Variants in CNOT8 observed in about 807,000 individuals in gnomAD.
The protein encoded by CNOT8 is CAF1-like protein.
In CNOT8, 18 loss-of-function variants were observed where a neutral mutation model predicts 34.6. The observed-to-expected ratio is 0.52, with a 90% CI of 0.36 to 0.77. The LOEUF (loss-of-function observed/expected upper bound fraction) is 0.77, where lower values mean the gene tolerates loss of function less well. Among genes scored for constraint, CNOT8 ranks in the 30% least tolerant of loss-of-function variants. The pLI, the probability that CNOT8 is intolerant of heterozygous loss-of-function variation, is 0.00. For synonymous variants in CNOT8, 101 were observed against 118.8 expected, an observed-to-expected ratio of 0.85 and a Z score of 0.98; for missense variants, 189 against 347.9, an observed-to-expected ratio of 0.54 and a Z score of 3.63.
chr5:154,874,339 G>A (rs1004634318), intron 6 of CNOT8, among the ~76,000 whole-genome samples: 2 of 152,032 alleles, frequency 1.3e-5, no homozygotes, highest in African/African-American at 2.4e-5. Flanking sequence ...CACTTTGGGA[G>A]GCCGAGGCAA....
chr5:154,874,312 C>G (rs549054370), intron 6 of CNOT8, among the ~76,000 whole-genome samples: 78 of 152,110 alleles, frequency 5.1e-4, no homozygotes, highest in African/African-American at 1.7e-3. Context: ...TGCGGTGGCT[C>G]ACACCTGTAA....
At chr5:154,868,659 T>G (rs1762160769) in intron 3 of CNOT8, among the ~76,000 whole-genome samples, 1 of 152,234 alleles carries the variant, frequency 6.6e-6, no homozygotes, top group Non-Finnish European at 1.5e-5. Context: ...CAGGCACTTC[T>G]TTCTCCCACT....
At position 154,863,231 on chromosome 5, in the gene CNOT8, G is replaced by A; in HGVS notation, c.-48G>A. ...GATCAGACCAAACATTGTCTGGCTT[G>A]CACTGTAAAACTAGTTAGCTGAAGA... On this transcript the variant is annotated 5_prime_UTR_variant, in exon 2 of 7. Transcript: ENST00000285896. 1 of 1,272,638 alleles carries A rather than the reference G, an allele frequency of 7.9e-7. No homozygotes were observed. Among genetic ancestry groups the A allele is most frequent in the East Asian group, 2.3e-5 (1 of 43,212 alleles). The allele number at this position is 1,272,638 out of a possible 1,614,324, so 78.8% of individuals were successfully genotyped here. A position where few individuals can be genotyped will look rare whatever the true frequency, so the allele number is the denominator to read the frequency against.
chr5:154,871,904 C>G, intron 5 of CNOT8, 30 bp downstream of exon 5: 2 of 1,585,680 alleles, frequency 1.3e-6, no homozygotes, highest in Non-Finnish European at 1.7e-6. Flanking sequence ...ATACCAGTAA[C>G]AAAAAGAAGG....
In CNOT8 at chr5:154,865,412, A is replaced by G; in HGVS notation, c.311+27A>G. The G allele has an allele frequency of 2.0e-6, 3 of 1,537,416 alleles. No individual in the cohort carries two copies. In the South Asian group the frequency reaches 3.7e-5, roughly 19 times the overall value. On this transcript the variant is annotated intron_variant, in intron 3 of 6. Coordinates refer to ENST00000285896, the MANE Select transcript of CNOT8 (RefSeq NM_001301073.2). Reference sequence around the variant, plus strand: ...TAAGTGATTTCTAAATAAATGCGTTAATTTTAAGTTTTGTTTTCACTGAAT... The same window carrying G: ...TAAGTGATTTCTAAATAAATGCGTTGATTTTAAGTTTTGTTTTCACTGAAT...
At chr5:154,872,211 A>G (rs1373838568) in intron 5 of CNOT8, among the ~76,000 whole-genome samples, 1 of 152,194 alleles carries the variant, frequency 6.6e-6, no homozygotes, top group Non-Finnish European at 1.5e-5. Context: ...AAGTTTTAGA[A>G]CTTGGTACCG....
At chr5:154,858,433 A>G (rs1195168607), upstream of CNOT8, 1 of 152,190 alleles carries the variant, frequency 6.6e-6, no homozygotes, top group Non-Finnish European at 1.5e-5. Context: ...TCACAGGCAG[A>G]GCGAACACGC....
chr5:154,873,584 T>C (rs879475945), intron 6 of CNOT8, among the ~76,000 whole-genome samples: 4 of 152,218 alleles, frequency 2.6e-5, no homozygotes, highest in Non-Finnish European at 4.4e-5. Context: ...TTTTAAAATA[T>C]ATTCAAAGAT....
intron 6 of CNOT8, among the ~76,000 whole-genome samples, chr5:154,873,689 A>G (rs1205405317): frequency 6.6e-6 from 1 of 152,176 alleles, no homozygotes; most frequent in Non-Finnish European, 1.5e-5. Context: ...GTAGACATGG[A>G]TCTCCTTTTT....
rs912863993 is a variant in CNOT8, at chr5:154,858,759, G to A, written c.-82G>A. ...CGCCAGCCAGCGCTTCGCGGGCCCTGTCGGTCCCGGTAAGCGGGCCTGCGC... is the reference window on the plus strand; with the variant it reads ...CGCCAGCCAGCGCTTCGCGGGCCCTATCGGTCCCGGTAAGCGGGCCTGCGC... On this transcript the variant is annotated 5_prime_UTR_variant, in exon 1 of 7. Coordinates refer to ENST00000285896, the MANE Select transcript of CNOT8 (RefSeq NM_001301073.2). 4.6e-5 allele frequency: 7 copies of A among 152,062 alleles called. No homozygotes were observed. Among genetic ancestry groups the A allele is most frequent in the Non-Finnish European group, 1.0e-4 (7 of 68,066 alleles). 9.4% of individuals were successfully genotyped at this position (152,062 alleles called of 1,614,324 possible).
intron 3 of CNOT8, among the ~76,000 whole-genome samples, chr5:154,865,642 GA>G (rs1201534926): frequency 6.6e-6 from 1 of 152,170 alleles, no homozygotes; most frequent in Admixed American, 6.5e-5. Context: ...CATTAGTCAT[GA>G]GGGAAATGCA....
At chr5:154,869,773 C>G (rs545141922) in intron 3 of CNOT8, among the ~76,000 whole-genome samples, 1 of 151,604 alleles carries the variant, frequency 6.6e-6, no homozygotes, top group African/African-American at 2.4e-5. Flanking sequence ...TACAGGCGTG[C>G]GCCACCACGC....
chr5:154,871,648 C>A, intron 4 of CNOT8, 82 bp from the exon 5 acceptor site: 8 of 1,214,830 alleles, frequency 6.6e-6, no homozygotes, highest in Non-Finnish European at 7.9e-6. Flanking sequence ...GTAGCATTTA[C>A]AAGCTTTGAG....
At chr5:154,860,837 G>C (rs977824008) in intron 1 of CNOT8, among the ~76,000 whole-genome samples, 1 of 152,066 alleles carries the variant, frequency 6.6e-6, no homozygotes, top group African/African-American at 2.4e-5. Context: ...CCATATATAT[G>C]CCAGATATGT....
chr5:154,872,415 C>A, intron 5 of CNOT8, 126 bp from the exon 6 acceptor site: 1 of 551,720 alleles, frequency 1.8e-6, no homozygotes. Flanking sequence ...GTTACTAAGG[C>A]CTGTTAAATA....
chr5:154,871,714 G>T lies in CNOT8; in HGVS notation c.474-16G>T. 1 of 1,613,278 alleles carries T rather than the reference G, an allele frequency of 6.2e-7. No homozygotes were observed. Among genetic ancestry groups the T allele is most frequent in the Non-Finnish European group, 8.5e-7 (1 of 1,179,644 alleles). ...AACCACTGCTTTTTTAACCTCTGTG[G>T]TTTATTCTCTTGTAGTGGCTATGAT... On this transcript the variant is annotated splice_polypyrimidine_tract_variant and intron_variant, in intron 4 of 6. Coordinates refer to ENST00000285896, the MANE Select transcript of CNOT8 (RefSeq NM_001301073.2).
intron 3 of CNOT8, among the ~76,000 whole-genome samples, chr5:154,868,212 C>T (rs1418295790): frequency 6.6e-6 from 1 of 151,348 alleles, no homozygotes; most frequent in Non-Finnish European, 1.5e-5. Flanking sequence ...GCTGGGATTA[C>T]AGGCATGAGC....
intron 3 of CNOT8, chr5:154,867,579 A>C: frequency 6.0e-6 from 1 of 168,018 alleles, no homozygotes; most frequent in Non-Finnish European, 1.3e-5. Flanking sequence ...GTGGGTTACA[A>C]ATAACTATTT....
chr5:154,868,734 C>G (rs1181952078), intron 3 of CNOT8, among the ~76,000 whole-genome samples: 2 of 152,216 alleles, frequency 1.3e-5, no homozygotes, highest in Non-Finnish European at 2.9e-5. Flanking sequence ...GGCCAAGAGG[C>G]TATCCAAGCC....
Sources: allele counts gnomAD v4.1 joint callset (sites outside exome capture counted in the v4.1 genomes callset), GRCh38; gene constraint gnomAD v4.1.1; transcripts MANE v1.5; gene names NCBI Gene and HGNC (gene_info 2026-07-23, HGNC 2026-07-21).